STXBP4: variants seen among roughly 807,000 people sequenced by gnomAD.
STXBP4 encodes the protein syntaxin-binding protein 4.
Under a neutral mutation model 76.1 loss-of-function variants are expected in STXBP4, and 55 were observed. That is an observed-to-expected ratio of 0.72 (90% CI 0.58 to 0.91). STXBP4 has a LOEUF of 0.91. Ranked by LOEUF, STXBP4 falls within the 40% of genes least tolerant of loss-of-function variation. STXBP4 has a pLI of 0.00. For synonymous variants in STXBP4, 201 were observed against 220.2 expected (o/e 0.91, Z 0.77); for missense variants, 618 against 636.9 (o/e 0.97, Z 0.32).
intron 1 of STXBP4, among the ~76,000 whole-genome samples, chr17:54,985,286 G>A (rs2144363216): frequency 6.6e-6 from 1 of 152,180 alleles, no homozygotes; most frequent in Non-Finnish European, 1.5e-5. Context: ...AGATCTCAAG[G>A]TCCATCCTGT....
intron 12 of STXBP4, among the ~76,000 whole-genome samples, chr17:55,054,241 C>T (rs2078896307): frequency 6.6e-6 from 1 of 152,156 alleles, no homozygotes; most frequent in Non-Finnish European, 1.5e-5. Context: ...AATCCCAGCA[C>T]TTTGGAAGGC....
At chr17:55,018,655 T>C (rs886918412) in intron 8 of STXBP4, among the ~76,000 whole-genome samples, 3 of 152,194 alleles carry the variant, frequency 2.0e-5, no homozygotes, top group African/African-American at 7.2e-5. Flanking sequence ...GGTGGGATTA[T>C]CATTGGTTCT....
intron 12 of STXBP4, among the ~76,000 whole-genome samples, chr17:55,072,239 G>T (rs2079128752): frequency 6.6e-6 from 1 of 152,126 alleles, no homozygotes; most frequent in Non-Finnish European, 1.5e-5. Context: ...TGTATGAAAT[G>T]TTTTTTAGTA....
intron 10 of STXBP4, 41 bp downstream of exon 10, chr17:55,034,300 C>A: frequency 7.0e-7 from 1 of 1,430,376 alleles, no homozygotes; most frequent in Non-Finnish European, 9.6e-7. Flanking sequence ...ATGTATAAGT[C>A]ACAAGTCTTG....
chr17:55,201,944 A>G, the STXBP4 span, among the ~76,000 whole-genome samples: 1 of 152,242 alleles, frequency 6.6e-6, no homozygotes, highest in Admixed American at 6.5e-5. Flanking sequence ...ATTAGCATAA[A>G]CAGTAAACAA....
chr17:54,982,973 A>C (rs1230796340), intron 1 of STXBP4, among the ~76,000 whole-genome samples: 1 of 152,216 alleles, frequency 6.6e-6, no homozygotes, highest in Non-Finnish European at 1.5e-5. Flanking sequence ...GCAGGGTTCA[A>C]ACTCTACTTT....
At chr17:55,113,255 ACACAC>A (rs1361275817) in intron 16 of STXBP4, among the ~76,000 whole-genome samples, 1 of 149,352 alleles carries the variant, frequency 6.7e-6, no homozygotes, top group Admixed American at 6.6e-5. Context: ...ACACACACAC[ACACAC>A]ACGAGGTAGC....
chr17:55,023,618 G>A lies in STXBP4; in HGVS notation c.667-7550G>A, dbSNP rs182545677. ...GATTTCGGATTTTTGGATTAGAGAT[G>A]CTAAACCTGTATATAGAAACAATGA... On this transcript the variant is annotated intron_variant, in intron 8 of 17. Coordinates refer to ENST00000376352, the MANE Select transcript of STXBP4 (RefSeq NM_178509.6). Among the ~76,000 whole-genome samples the A allele has an allele frequency of 2.8e-3, 421 of 152,150 alleles. 1 individual carries two copies. The highest frequency in any genetic ancestry group is 4.9e-3 in the Non-Finnish European group (334 of 68,008).
At chr17:55,201,945 C>G in the STXBP4 span, among the ~76,000 whole-genome samples, 2 of 152,162 alleles carry the variant, frequency 1.3e-5, no homozygotes, top group South Asian at 4.1e-4. Context: ...TTAGCATAAA[C>G]AGTAAACAAT....
Position 55,074,553 on chromosome 17 carries a change from G to A in STXBP4, c.1188+1477G>A, listed in dbSNP as rs913593399. Among the ~76,000 whole-genome samples the A allele has an allele frequency of 2.1e-4, 32 of 152,210 alleles. No homozygotes were observed. The Middle Eastern group carries it at 0.01, about 49-fold the overall frequency. ...TTACTTTTGAAGTGAAAAATCAAGAGTGTTTAATATTTTATTTTTAAATGA... is the reference window on the plus strand; with the variant it reads ...TTACTTTTGAAGTGAAAAATCAAGAATGTTTAATATTTTATTTTTAAATGA... On this transcript the variant is annotated intron_variant, in intron 13 of 17. Transcript: ENST00000376352.
At chr17:55,114,938 A>C (rs1456186908) in intron 16 of STXBP4, among the ~76,000 whole-genome samples, 1 of 151,974 alleles carries the variant, frequency 6.6e-6, no homozygotes, top group Non-Finnish European at 1.5e-5. Flanking sequence ...GAAAAAAATA[A>C]TTGAAGTACA....
At chr17:55,079,505 C>A (rs755090547) in intron 15 of STXBP4, among the ~76,000 whole-genome samples, 2 of 151,540 alleles carry the variant, frequency 1.3e-5, no homozygotes, top group Non-Finnish European at 2.9e-5. Flanking sequence ...TACCTGTAAT[C>A]CCAGTATTTT....
At chr17:55,009,261 A>G (rs1425962914) in intron 8 of STXBP4, among the ~76,000 whole-genome samples, 1 of 152,160 alleles carries the variant, frequency 6.6e-6, no homozygotes, top group African/African-American at 2.4e-5. Flanking sequence ...TTGGTCTGCA[A>G]TCAGTTAATA....
intron 16 of STXBP4, among the ~76,000 whole-genome samples, chr17:55,104,961 A>G (rs1320110270): frequency 2.0e-5 from 3 of 152,040 alleles, no homozygotes; most frequent in Non-Finnish European, 4.4e-5. Flanking sequence ...TTTATGTGGG[A>G]TCAGTGATGG....
intron 16 of STXBP4, among the ~76,000 whole-genome samples, chr17:55,110,473 G>A (rs1707140124): frequency 6.6e-6 from 1 of 152,066 alleles, no homozygotes; most frequent in Admixed American, 6.5e-5. Context: ...AGTGGGAGGA[G>A]GAATTCAGGG....
At chr17:55,070,603 C>A (rs1246520728) in intron 12 of STXBP4, among the ~76,000 whole-genome samples, 2 of 152,184 alleles carry the variant, frequency 1.3e-5, no homozygotes, top group Admixed American at 1.3e-4. Flanking sequence ...TTCTAAAGCA[C>A]TGTTTTCTCA....
At chr17:54,990,251 C>T (rs913062193) in intron 3 of STXBP4, among the ~76,000 whole-genome samples, 10 of 151,972 alleles carry the variant, frequency 6.6e-5, no homozygotes, top group Non-Finnish European at 1.3e-4. Flanking sequence ...AATCCCTGGG[C>T]CACAGACTGG....
chr17:55,009,527 C>T (rs1040828195), intron 8 of STXBP4, among the ~76,000 whole-genome samples: 2 of 151,998 alleles, frequency 1.3e-5, no homozygotes, highest in East Asian at 1.9e-4. Context: ...GTATGAAAAT[C>T]GAAATTTGTA....
chr17:54,997,663 G>A (rs916241015), intron 4 of STXBP4, among the ~76,000 whole-genome samples: 15 of 146,960 alleles, frequency 1.0e-4, no homozygotes, highest in African/African-American at 2.8e-4. Context: ...GGAGAGCAGT[G>A]GCGTAGTCAT....
Sources: gnomAD v4.1 joint callset for allele counts (sites outside exome capture counted in the v4.1 genomes callset) on GRCh38, gnomAD v4.1.1 for gene constraint, MANE v1.5 for transcripts, NCBI Gene and HGNC (gene_info 2026-07-23, HGNC 2026-07-21) for gene names.